The following ITPR2 variants were observed in gnomAD, a reference collection of about 807,000 sequenced individuals.
The protein encoded by ITPR2 is inositol 1,4,5-trisphosphate-gated calcium channel ITPR2.
In ITPR2, 207 loss-of-function variants were observed where a neutral mutation model predicts 317.1. The ratio of observed to expected loss-of-function variants is 0.65; its 90% CI spans 0.58 to 0.73. The LOEUF is 0.73. ITPR2 is among the 30% of genes least tolerant of loss of function. The pLI is 0.00. For missense variants in ITPR2, 2,613 were observed against 3,284.0 expected (o/e 0.80, Z 4.99); for synonymous variants, 1,156 against 1,149.1 (o/e 1.01, Z -0.12).
chr12:26,518,256 A>T (rs1943578286), intron 37 of ITPR2, among the ~76,000 whole-genome samples: 1 of 152,224 alleles, frequency 6.6e-6, no homozygotes. Context: ...TCCTAAGCAA[A>T]CTAACACAGG....
At chr12:26,475,451 A>G in intron 44 of ITPR2, 33 bp from the exon 45 acceptor site, 3 of 1,600,324 alleles carry the variant, frequency 1.9e-6, no homozygotes, top group Non-Finnish European at 1.7e-6. Flanking sequence ...TTGAAATGCC[A>G]GAAACAACAT....
chr12:26,338,417 C>T lies in ITPR2; in HGVS notation c.*980G>A, dbSNP rs915937971. On this transcript the variant is annotated 3_prime_UTR_variant, in exon 57 of 57. Coordinates refer to ENST00000381340, the MANE Select transcript of ITPR2 (RefSeq NM_002223.4). ...TTTTCCTAACTGCAGGAACAGCATA[C>T]ATAAAAACGCTCGGGTCCTGAAGCA... 5 of 152,438 alleles carry T rather than the reference C, an allele frequency of 3.3e-5. No homozygotes were observed. The highest frequency in any genetic ancestry group is 7.4e-5 in the Non-Finnish European group (5 of 68,016). The allele number at this position is 152,438 out of a possible 1,614,324, so 9.4% of individuals were successfully genotyped here.
intron 37 of ITPR2, among the ~76,000 whole-genome samples, chr12:26,546,872 C>T (rs1413975340): frequency 3.3e-5 from 5 of 152,100 alleles, no homozygotes; most frequent in Admixed American, 2.6e-4. Flanking sequence ...AACTGGATCC[C>T]TATCTCTCAC....
intron 55 of ITPR2, among the ~76,000 whole-genome samples, chr12:26,386,656 T>A (rs898949272): frequency 1.4e-5 from 2 of 143,658 alleles, no homozygotes; most frequent in African/African-American, 5.0e-5. Context: ...CACAATTTTG[T>A]CAGATTTTTT....
At chr12:26,410,149 T>C (rs1445556025) in intron 52 of ITPR2, among the ~76,000 whole-genome samples, 1 of 152,068 alleles carries the variant, frequency 6.6e-6, no homozygotes, top group African/African-American at 2.4e-5. Context: ...GCTGAAGAAA[T>C]CGGAGGTGTT....
intron 42 of ITPR2, among the ~76,000 whole-genome samples, chr12:26,481,758 TG>T (rs910875760): frequency 6.6e-6 from 1 of 152,156 alleles, no homozygotes. Context: ...CCAAGCCAGG[TG>T]GAAGTGAAGA....
In ITPR2 at chr12:26,421,005, G is replaced by A. The variant is rs1285715252; in HGVS notation, c.6946-1792C>T. Among the ~76,000 whole-genome samples, 6 of 152,074 alleles carry A rather than the reference G, an allele frequency of 3.9e-5. No individual in the cohort carries two copies. In the East Asian group the frequency reaches 1.2e-3, roughly 29 times the overall value. On this transcript the variant is annotated intron_variant, in intron 49 of 56. Transcript: ENST00000381340. ...ATAAAATAAATAATTGGAGTCGTGA[G>A]TTTTCAGAAAGACGAATGATATGTT...
Position 26,671,610 on chromosome 12 carries a change from G to T in ITPR2, c.1410-5559C>A, listed in dbSNP as rs1947774083. 2.6e-5 allele frequency among the ~76,000 whole-genome samples: 4 copies of T among 152,192 alleles called. No homozygotes were observed. The South Asian group carries it at 8.3e-4, about 32-fold the overall frequency. On this transcript the variant is annotated intron_variant, in intron 13 of 56. Transcript: ENST00000381340. ...CTGCAAAATCATGTCAAAATGTAAAGACCATCGAGACTAGGAAGAAACTGC... is the reference window on the plus strand; with the variant it reads ...CTGCAAAATCATGTCAAAATGTAAATACCATCGAGACTAGGAAGAAACTGC...
chr12:26,681,334 A>C (rs958583285), intron 13 of ITPR2, among the ~76,000 whole-genome samples: 1 of 152,224 alleles, frequency 6.6e-6, no homozygotes, highest in African/African-American at 2.4e-5. Flanking sequence ...GTTAGCTGTC[A>C]ATATCATTCT....
intron 54 of ITPR2, among the ~76,000 whole-genome samples, chr12:26,396,596 C>T (rs1017954823): frequency 6.6e-6 from 1 of 152,088 alleles, no homozygotes; most frequent in Non-Finnish European, 1.5e-5. Flanking sequence ...CACTTGTAGT[C>T]TCTCTGCTTC....
intron 2 of ITPR2, among the ~76,000 whole-genome samples, chr12:26,771,553 C>T (rs1592112790): frequency 6.6e-6 from 1 of 152,184 alleles, no homozygotes; most frequent in Non-Finnish European, 1.5e-5. Context: ...CTCCCTCTGT[C>T]GCCCAGGCTG....
In ITPR2 at chr12:26,495,948, T is replaced by C. The variant is rs564395711; in HGVS notation, c.5074-688A>G. Among the ~76,000 whole-genome samples the C allele has an allele frequency of 3.5e-4, 53 of 152,362 alleles. No homozygotes were observed. The South Asian group carries it at 0.011, about 30-fold the overall frequency. On this transcript the variant is annotated intron_variant, in intron 37 of 56. Coordinates refer to ENST00000381340, the MANE Select transcript of ITPR2 (RefSeq NM_002223.4). ...AAGACTGTGGGCAAAAGACAGTGTA[T>C]TCCTTTACAAATTACATAATCCAAA...
At chr12:26,469,508 C>A (rs147606429) in intron 45 of ITPR2, among the ~76,000 whole-genome samples, 107 of 152,266 alleles carry the variant, frequency 7.0e-4, no homozygotes, top group African/African-American at 2.5e-3. Flanking sequence ...GAAAACCCTC[C>A]AGATCAACCA....
At chr12:26,723,700 A>C (rs755967986) in intron 4 of ITPR2, among the ~76,000 whole-genome samples, 1 of 152,174 alleles carries the variant, frequency 6.6e-6, no homozygotes, top group African/African-American at 2.4e-5. Context: ...ACAAAATATC[A>C]GGGATATTAT....
chr12:26,622,178 TG>T, intron 25 of ITPR2, 61 bp downstream of exon 25: 1 of 1,459,210 alleles, frequency 6.9e-7, no homozygotes, highest in Non-Finnish European at 9.3e-7. Flanking sequence ...GAAGTCAGGT[TG>T]GATGTTATTA....
chr12:26,696,365 A>T (rs1385665691), intron 9 of ITPR2, among the ~76,000 whole-genome samples: 2 of 152,224 alleles, frequency 1.3e-5, no homozygotes, highest in African/African-American at 4.8e-5. Flanking sequence ...TTCTTGAAAC[A>T]TCAAGTTGTC....
chr12:26,784,318 TG>T (rs1950158830), intron 2 of ITPR2, among the ~76,000 whole-genome samples: 1 of 28,304 alleles, frequency 3.5e-5, no homozygotes, highest in African/African-American at 1.2e-4. Flanking sequence ...CCTCTCCCTC[TG>T]CCTCTCCCTC....
chr12:26,562,010 T>C (rs1591902238), intron 34 of ITPR2, 58 bp from the exon 35 acceptor site: 1 of 1,190,434 alleles, frequency 8.4e-7, no homozygotes, highest in East Asian at 2.9e-5. Context: ...TTCTTACATA[T>C]TATCCATACA....
At chr12:26,711,323 C>A in intron 8 of ITPR2, 55 bp from the exon 9 acceptor site, 1 of 1,175,582 alleles carries the variant, frequency 8.5e-7, no homozygotes, top group South Asian at 1.2e-5. Flanking sequence ...TCCTGGCAAG[C>A]AAACACCAAC....
Sources: allele counts gnomAD v4.1 joint callset (sites outside exome capture counted in the v4.1 genomes callset), GRCh38; gene constraint gnomAD v4.1.1; transcripts MANE v1.5; gene names NCBI Gene and HGNC (gene_info 2026-07-23, HGNC 2026-07-21).